The following SRGAP1 variants were observed in gnomAD, a reference collection of about 807,000 sequenced individuals.
The protein encoded by SRGAP1 is SLIT-ROBO Rho GTPase activating protein 1, also known as SLIT-ROBO Rho GTPase-activating protein 1.
In SRGAP1, 43 loss-of-function variants were observed where a neutral mutation model predicts 121.9. The ratio of observed to expected loss-of-function variants is 0.35; its 90% CI spans 0.28 to 0.46. The LOEUF is 0.46. Ranked by LOEUF, SRGAP1 falls within the 20% of genes least tolerant of loss-of-function variation. SRGAP1 has a pLI of 1.00. For synonymous variants in SRGAP1, 447 were observed against 485.4 expected (o/e 0.92, Z 1.04); for missense variants, 1,102 against 1,350.9 (o/e 0.82, Z 2.89).
At chr12:63,987,846 T>G (rs1328614369) in intron 2 of SRGAP1, among the ~76,000 whole-genome samples, 1 of 152,220 alleles carries the variant, frequency 6.6e-6, no homozygotes, top group Non-Finnish European at 1.5e-5. Flanking sequence ...CAGCTGACTT[T>G]ATATAGCACT....
chr12:64,053,127 T>C (rs2035270329), intron 6 of SRGAP1, among the ~76,000 whole-genome samples: 2 of 152,242 alleles, frequency 1.3e-5, no homozygotes, highest in African/African-American at 4.8e-5. Flanking sequence ...AGAGAGCACC[T>C]ACTGGCTGTG....
In SRGAP1 at chr12:63,870,260, T is replaced by C. The variant is rs148745010; in HGVS notation, c.67+25377T>C. Among the ~76,000 whole-genome samples, 60 of 152,306 alleles carry C rather than the reference T, an allele frequency of 3.9e-4. No homozygotes were observed. The East Asian group carries it at 0.011, about 29-fold the overall frequency. The stretch of plus-strand genomic sequence containing the variant: ...ATGGATTATTTGATGAGGAGACTCA[T>C]GGTGGAGCTGCCTCTTTATATGCAT... On this transcript the variant is annotated intron_variant, in intron 1 of 21. Coordinates refer to ENST00000355086, the MANE Select transcript of SRGAP1 (RefSeq NM_020762.4).
chr12:64,054,324 G>A (rs1174576051), intron 6 of SRGAP1, among the ~76,000 whole-genome samples: 1 of 152,172 alleles, frequency 6.6e-6, no homozygotes, highest in African/African-American at 2.4e-5. Flanking sequence ...GAATAAGATT[G>A]AAATTAGATT....
chr12:64,127,787 C>G (rs10878106), intron 20 of SRGAP1, 63 bp downstream of exon 20: 403,181 of 1,600,766 alleles, frequency 0.25, 54,388 homozygotes, highest in East Asian at 0.58. Context: ...TGAGGAGCCA[C>G]TGCACCTCAG....
At chr12:64,022,877 A>G (rs2034578829) in intron 4 of SRGAP1, among the ~76,000 whole-genome samples, 1 of 152,214 alleles carries the variant, frequency 6.6e-6, no homozygotes, top group African/African-American at 2.4e-5. Flanking sequence ...CAAGGCATTT[A>G]CATTCCAGTG....
chr12:63,944,123 T>C (rs116061877), intron 1 of SRGAP1, among the ~76,000 whole-genome samples: 2 of 152,150 alleles, frequency 1.3e-5, no homozygotes, highest in Non-Finnish European at 2.9e-5. Flanking sequence ...CCTCAGATTC[T>C]CATAACTCTT....
intron 4 of SRGAP1, among the ~76,000 whole-genome samples, chr12:64,027,232 C>T (rs1285438253): frequency 6.6e-6 from 1 of 152,062 alleles, no homozygotes; most frequent in Non-Finnish European, 1.5e-5. Context: ...TGTTAAGTAC[C>T]TTGCCCAAGG....
intron 1 of SRGAP1, among the ~76,000 whole-genome samples, chr12:63,932,440 C>A (rs998137902): frequency 6.6e-6 from 1 of 152,152 alleles, no homozygotes; most frequent in African/African-American, 2.4e-5. Flanking sequence ...ATACAATATG[C>A]AGATATGGGT....
chr12:64,049,251 A>C (rs2035191628), intron 6 of SRGAP1, among the ~76,000 whole-genome samples: 1 of 152,184 alleles, frequency 6.6e-6, no homozygotes, highest in Non-Finnish European at 1.5e-5. Context: ...ACATTTATTG[A>C]AGAGACCTTT....
intron 1 of SRGAP1, among the ~76,000 whole-genome samples, chr12:63,967,199 G>T (rs1414768762): frequency 6.6e-6 from 1 of 152,170 alleles, no homozygotes; most frequent in African/African-American, 2.4e-5. Context: ...CCCCCACCTT[G>T]CGGGGCCAGG....
At position 64,151,103 on chromosome 12, in the gene SRGAP1, T is replaced by C. The variant is rs1245411347; in HGVS notation, c.*8431T>C. 6.6e-6 allele frequency: 1 copy of C among 152,086 alleles called. No individual in the cohort carries two copies. The allele number at this position is 152,086 out of a possible 1,614,324, so 9.4% of individuals were successfully genotyped here. On this transcript the variant is annotated 3_prime_UTR_variant, in exon 22 of 22. Coordinates refer to ENST00000355086, the MANE Select transcript of SRGAP1 (RefSeq NM_020762.4). ...TTTTAAGTAAGCCAAAAATCTATTA[T>C]ATAGTCATAAGTCAAACTCAGTTAC...
At chr12:64,107,224 T>C (rs1397508452) in intron 15 of SRGAP1, among the ~76,000 whole-genome samples, 1 of 152,120 alleles carries the variant, frequency 6.6e-6, no homozygotes, top group East Asian at 1.9e-4. Flanking sequence ...TGATAATAAG[T>C]GGAAAACAGC....
chr12:63,986,765 G>A (rs888820919), intron 2 of SRGAP1, among the ~76,000 whole-genome samples: 1 of 152,102 alleles, frequency 6.6e-6, no homozygotes, highest in African/African-American at 2.4e-5. Context: ...TTTTGCATTT[G>A]GTAATTGGTG....
intron 1 of SRGAP1, among the ~76,000 whole-genome samples, chr12:63,932,861 A>T (rs2031528551): frequency 1.3e-5 from 2 of 152,212 alleles, no homozygotes; most frequent in South Asian, 4.1e-4. Flanking sequence ...AAAATCACTC[A>T]GCAACCAAAT....
chr12:63,871,460 A>T (rs998379658), intron 1 of SRGAP1, among the ~76,000 whole-genome samples: 1 of 152,222 alleles, frequency 6.6e-6, no homozygotes, highest in Non-Finnish European at 1.5e-5. Context: ...GAAAAAGAAC[A>T]CAGGGCAATG....
chr12:63,860,903 A>G (rs1340878070), intron 1 of SRGAP1, among the ~76,000 whole-genome samples: 2 of 149,702 alleles, frequency 1.3e-5, no homozygotes, highest in Non-Finnish European at 3.0e-5. Flanking sequence ...AGGTGTAATC[A>G]TTGTGCATTA....
At chr12:63,933,666 G>T (rs1181551169) in intron 1 of SRGAP1, among the ~76,000 whole-genome samples, 2 of 152,178 alleles carry the variant, frequency 1.3e-5, no homozygotes, top group African/African-American at 4.8e-5. Flanking sequence ...AGTGTTAAAA[G>T]AACTATCTTT....
chr12:64,108,426 T>G (rs1440503970), intron 15 of SRGAP1, among the ~76,000 whole-genome samples: 2 of 152,198 alleles, frequency 1.3e-5, no homozygotes, highest in Non-Finnish European at 2.9e-5. Context: ...CTAATATTGA[T>G]GGTATAATGT....
chr12:63,880,758 C>A lies in SRGAP1; in HGVS notation c.67+35875C>A, dbSNP rs377621951. ...GAATCCACGTATTTTATTATACTGC[C>A]ATTATTTTATCTGACTCCTCCACAG... On this transcript the variant is annotated intron_variant, in intron 1 of 21. Coordinates refer to ENST00000355086, the MANE Select transcript of SRGAP1 (RefSeq NM_020762.4). Among the ~76,000 whole-genome samples, 4 of 152,240 alleles carry A rather than the reference C, an allele frequency of 2.6e-5. No individual in the cohort carries two copies. The East Asian group carries it at 7.7e-4, about 29-fold the overall frequency.
Sources: gnomAD v4.1 joint callset for allele counts (sites outside exome capture counted in the v4.1 genomes callset) on GRCh38, gnomAD v4.1.1 for gene constraint, MANE v1.5 for transcripts, NCBI Gene and HGNC (gene_info 2026-07-23, HGNC 2026-07-21) for gene names.